SPOCK3: variants seen among roughly 807,000 people sequenced by gnomAD.
SPOCK3 encodes SPARC (osteonectin), cwcv and kazal like domains proteoglycan 3, also known as testican-3.
A neutral mutation model predicts 56.6 loss-of-function variants in SPOCK3; 30 were observed. The observed-to-expected ratio is 0.53, with a 90% CI of 0.40 to 0.72. SPOCK3 has a LOEUF of 0.72. Ranked by LOEUF, SPOCK3 falls within the 30% of genes least tolerant of loss-of-function variation. The pLI, the probability that SPOCK3 is intolerant of heterozygous loss-of-function variation, is 0.00. For synonymous variants in SPOCK3, 196 were observed against 183.3 expected (o/e 1.07, Z -0.56); for missense variants, 527 against 530.0 (o/e 0.99, Z 0.06).
At position 166,775,662 on chromosome 4, in the gene SPOCK3, T is replaced by C. The variant is rs1332942381; in HGVS notation, c.709+16508A>G. 3.9e-5 allele frequency among the ~76,000 whole-genome samples: 6 copies of C among 152,282 alleles called. No homozygotes were observed. The East Asian group carries it at 1.2e-3, about 29-fold the overall frequency. On this transcript the variant is annotated intron_variant, in intron 7 of 10. Transcript: ENST00000357545. ...TATCAAGTCTTTGGGACTACCAACA[T>C]TTAGATATCAAACAGGTGAGAAGAA...
intron 4 of SPOCK3, among the ~76,000 whole-genome samples, chr4:166,997,660 G>A (rs186011876): frequency 1.3e-5 from 2 of 152,208 alleles, no homozygotes; most frequent in Admixed American, 6.6e-5. Flanking sequence ...TCAGTCAGTC[G>A]AAGGAGATCA....
chr4:166,792,647 A>T (rs2126656804), intron 6 of SPOCK3, among the ~76,000 whole-genome samples: 1 of 152,278 alleles, frequency 6.6e-6, no homozygotes, highest in East Asian at 1.9e-4. Context: ...TTGAAAATCC[A>T]AAATGATCAT....
intron 6 of SPOCK3, among the ~76,000 whole-genome samples, chr4:166,859,202 T>G (rs1247370017): frequency 6.6e-6 from 1 of 152,190 alleles, no homozygotes; most frequent in Non-Finnish European, 1.5e-5. Context: ...TAGGTTTATG[T>G]AAGTGCACTC....
intron 6 of SPOCK3, among the ~76,000 whole-genome samples, chr4:166,851,810 A>G (rs1446877234): frequency 6.6e-6 from 1 of 151,780 alleles, no homozygotes; most frequent in Non-Finnish European, 1.5e-5. Context: ...TGTACCCAAA[A>G]GACTATAAAT....
chr4:166,816,372 C>A (rs1744378845), intron 6 of SPOCK3, among the ~76,000 whole-genome samples: 1 of 152,164 alleles, frequency 6.6e-6, no homozygotes, highest in African/African-American at 2.4e-5. Flanking sequence ...GTAATTGGTG[C>A]TAAATACTGC....
intron 6 of SPOCK3, among the ~76,000 whole-genome samples, chr4:166,833,880 G>A (rs1452463461): frequency 6.6e-6 from 1 of 152,134 alleles, no homozygotes; most frequent in Non-Finnish European, 1.5e-5. Flanking sequence ...CCTCTTGGAG[G>A]AAAAGTGGTT....
intron 8 of SPOCK3, among the ~76,000 whole-genome samples, chr4:166,750,908 TATGGAGGTTTG>T (rs1476381692): frequency 1.3e-5 from 2 of 152,180 alleles, no homozygotes; most frequent in African/African-American, 2.4e-5. Flanking sequence ...AAGTGGGCAT[TATGGAGGTTTG>T]TGAATGAATC....
intron 6 of SPOCK3, among the ~76,000 whole-genome samples, chr4:166,879,870 G>C (rs977195635): frequency 1.3e-5 from 2 of 152,062 alleles, no homozygotes; most frequent in Non-Finnish European, 2.9e-5. Flanking sequence ...CATAAGATCT[G>C]GTTGTTTAAA....
intron 8 of SPOCK3, among the ~76,000 whole-genome samples, chr4:166,743,304 T>A (rs1458183018): frequency 2.0e-5 from 3 of 152,162 alleles, no homozygotes; most frequent in Admixed American, 6.6e-5. Flanking sequence ...TTAATTTAAA[T>A]GTTTTTAAAA....
rs1310089696 is a variant in SPOCK3, at chr4:166,946,171, TAAC to T, written c.351-33431_351-33429del. Among the ~76,000 whole-genome samples, 3 of 151,930 alleles carry T rather than the reference TAAC, an allele frequency of 2.0e-5. No homozygotes were observed. The East Asian group carries it at 5.8e-4, about 29-fold the overall frequency. On this transcript the variant is annotated intron_variant, in intron 4 of 10. Coordinates refer to ENST00000357545, the MANE Select transcript of SPOCK3 (RefSeq NM_001040159.2). ...AAAAATGTCCCAGTTTGGAGAGTAA[TAAC>T]TTACTCTCCAAACCCCCACATCTTA...
intron 5 of SPOCK3, among the ~76,000 whole-genome samples, chr4:166,897,087 G>A (rs990323556): frequency 5.3e-5 from 8 of 152,122 alleles, no homozygotes; most frequent in Non-Finnish European, 1.0e-4. Flanking sequence ...TATATATCTC[G>A]AGACTATTTT....
intron 5 of SPOCK3, among the ~76,000 whole-genome samples, chr4:166,893,613 G>C (rs895300539): frequency 6.6e-6 from 1 of 152,066 alleles, no homozygotes; most frequent in Non-Finnish European, 1.5e-5. Context: ...TGGGATTCAA[G>C]CACTATTTTA....
chr4:167,218,648 A>T (rs1735598756), intron 2 of SPOCK3, among the ~76,000 whole-genome samples: 1 of 152,128 alleles, frequency 6.6e-6, no homozygotes, highest in African/African-American at 2.4e-5. Flanking sequence ...CAAATGTGGG[A>T]TATTTTTTCC....
chr4:166,917,153 A>G (rs58533643), intron 4 of SPOCK3, among the ~76,000 whole-genome samples: 3,986 of 152,276 alleles, frequency 0.026, 184 homozygotes, highest in African/African-American at 0.09. Flanking sequence ...CAAATAAAAT[A>G]ATATTTGCAT....
At chr4:166,896,071 G>T (rs1411598247) in intron 5 of SPOCK3, among the ~76,000 whole-genome samples, 2 of 152,120 alleles carry the variant, frequency 1.3e-5, no homozygotes, top group Non-Finnish European at 1.5e-5. Context: ...CTGTTAATCA[G>T]AGCAGTTAGA....
At chr4:167,234,912 C>T (rs1737565107), upstream of SPOCK3, 1 of 152,252 alleles carries the variant, frequency 6.6e-6, no homozygotes, top group African/African-American at 2.4e-5. Flanking sequence ...CCACAATTTC[C>T]AGGGTTGTCA....
At chr4:167,153,138 A>T (rs1424384258) in intron 2 of SPOCK3, among the ~76,000 whole-genome samples, 1 of 152,156 alleles carries the variant, frequency 6.6e-6, no homozygotes, top group Non-Finnish European at 1.5e-5. Context: ...AGGTGAGATA[A>T]CTTGCCTAAG....
At chr4:166,958,674 AG>A (rs2150052435) in intron 4 of SPOCK3, among the ~76,000 whole-genome samples, 1 of 152,356 alleles carries the variant, frequency 6.6e-6, no homozygotes, top group South Asian at 2.1e-4. Flanking sequence ...ATCACATACA[AG>A]GAAGGGTTGA....
chr4:167,121,048 C>T (rs1013756566), intron 2 of SPOCK3, among the ~76,000 whole-genome samples: 1 of 151,832 alleles, frequency 6.6e-6, no homozygotes, highest in African/African-American at 2.4e-5. Flanking sequence ...TCTGCAGACC[C>T]AGAAACCATT....
Sources: gnomAD v4.1 joint callset for allele counts (sites outside exome capture counted in the v4.1 genomes callset) on GRCh38, gnomAD v4.1.1 for gene constraint, MANE v1.5 for transcripts, NCBI Gene and HGNC (gene_info 2026-07-23, HGNC 2026-07-21) for gene names.